The following FOXK1 variants were observed in gnomAD, a reference collection of about 807,000 sequenced individuals.
FOXK1 encodes the protein forkhead box protein K1.
In FOXK1, 19 loss-of-function variants were observed where a neutral mutation model predicts 51.9. That is an observed-to-expected ratio of 0.37 (90% confidence interval 0.26 to 0.54). The LOEUF (loss-of-function observed/expected upper bound fraction) is 0.54. FOXK1 is among the 20% of genes least tolerant of loss of function. The pLI is 0.87. For missense variants in FOXK1, 870 were observed against 1,032.7 expected (o/e 0.84, Z 2.16); for synonymous variants, 537 against 482.6 (o/e 1.11, Z -1.48).
intron 1 of FOXK1, among the ~76,000 whole-genome samples, chr7:4,694,174 ACG>A (rs1779925513): frequency 6.6e-6 from 1 of 152,168 alleles, no homozygotes; most frequent in African/African-American, 2.4e-5. Flanking sequence ...GGCCTGAGCC[ACG>A]CGCCCAGCCA....
chr7:4,715,708 G>A lies in FOXK1; in HGVS notation c.561-25130G>A, dbSNP rs777139422. On this transcript the variant is annotated intron_variant, in intron 1 of 8. Coordinates refer to ENST00000328914, the MANE Select transcript of FOXK1 (RefSeq NM_001037165.2). The surrounding 1 kb of genome is among the most constrained non-coding windows in gnomAD (Gnocchi z 4.5). ...CTTGTCAAGTCAGTCTGTAGTGCAC[G>A]CCGTTAGATTGGTTGTCATTGGCCA... Among the ~76,000 whole-genome samples, 1 of 152,166 alleles carries A rather than the reference G, an allele frequency of 6.6e-6. No individual in the cohort carries two copies. The highest frequency in any genetic ancestry group is 1.5e-5 in the Non-Finnish European group (1 of 68,044).
rs1250099607 is a variant in FOXK1 at position 4,754,528 on chromosome 7, G to A, written c.816G>A (p.Val272=). 6.2e-7 allele frequency: 1 copy of A among 1,612,224 alleles called. No homozygotes were observed. The highest frequency in any genetic ancestry group is 8.5e-7 in the Non-Finnish European group (1 of 1,180,042). The change falls in exon 3 of 9, where the codon GTG becomes GTA. Residue 272 remains valine (V), a synonymous_variant. Coordinates refer to ENST00000328914, the MANE Select transcript of FOXK1 (RefSeq NM_001037165.2). ...GSSSYRFVQN[V]TSDLQLAAEF... is the part of the protein sequence containing the mutation. ...CCAGTTACCGCTTTGTGCAGAACGT[G>A]ACCTCGGACCTGCAGCTGGCAGCAG...
rs576798444 is a variant in FOXK1 at position 4,747,126 on chromosome 7, C to G, written c.746+6103C>G. ...TTGTCCGAATCTGTTGAAAGGACAT[C>G]CCCACGCCCGCGTTTCCTGTAATCT... On this transcript the variant is annotated intron_variant, in intron 2 of 8. Coordinates refer to ENST00000328914, the MANE Select transcript of FOXK1 (RefSeq NM_001037165.2). This position sits in a 1 kb window ranked among gnomAD's most constrained non-coding sequence, Gnocchi z 9.2. Among the ~76,000 whole-genome samples the G allele has an allele frequency of 3.3e-5, 5 of 152,296 alleles. No homozygotes were observed. The South Asian group carries it at 1.0e-3, about 32-fold the overall frequency.
In FOXK1 at chr7:4,682,475, C is replaced by T. The variant is rs1371015677; in HGVS notation, c.167C>T (p.Pro56Leu). ...CCTCCGCCCGGGCCGCCGCCGCCGC[C>T]GCCACCGCCGCTGCCTCCGGGCGCG... ...PQPPPGPPPP[P>L]PPPLPPGAIA... The change falls in exon 1 of 9, where the codon CCG becomes CTG. Residue 56 changes from proline (P) to leucine (L), a missense_variant. Transcript: ENST00000328914. The surrounding 1 kb of genome is among the most constrained non-coding windows in gnomAD (Gnocchi z 7.6). 1 of 989,724 alleles carries T rather than the reference C, an allele frequency of 1.0e-6. No individual in the cohort carries two copies. Among genetic ancestry groups the T allele is most frequent in the South Asian group, 4.5e-5 (1 of 22,182 alleles). 61.3% of individuals were successfully genotyped at this position (989,724 alleles called of 1,614,324 possible). A position where few individuals can be genotyped will look rare whatever the true frequency, so the allele number is the denominator to read the frequency against.
At chr7:4,692,458 C>G (rs1364524118) in intron 1 of FOXK1, among the ~76,000 whole-genome samples, 2 of 152,282 alleles carry the variant, frequency 1.3e-5, no homozygotes, top group African/African-American at 4.8e-5. Flanking sequence ...GGCAGTGGCA[C>G]GATCTCAGCT....
intron 1 of FOXK1, among the ~76,000 whole-genome samples, chr7:4,705,091 C>G (rs1270101040): frequency 6.6e-6 from 1 of 152,170 alleles, no homozygotes; most frequent in Non-Finnish European, 1.5e-5. Context: ...AGCAGCCTCC[C>G]AAAGTACTGG....
chr7:4,746,152 A>T (rs112422106), intron 2 of FOXK1, among the ~76,000 whole-genome samples: 3 of 152,198 alleles, frequency 2.0e-5, no homozygotes, highest in African/African-American at 7.2e-5. Flanking sequence ...AACTCGTACA[A>T]TTCGGCGAAG....
Position 4,749,582 on chromosome 7 carries a change from C to T in FOXK1, c.747-4877C>T, listed in dbSNP as rs1780749143. On this transcript the variant is annotated intron_variant, in intron 2 of 8. Transcript: ENST00000328914. This position sits in a 1 kb window ranked among gnomAD's most constrained non-coding sequence, Gnocchi z 6.0. ...TCGCAGCTCCTTCCTCCAGCCCCTC[C>T]AGGCGGGTCCCTCTGTGTCTCTAGG... 6.6e-6 allele frequency among the ~76,000 whole-genome samples: 1 copy of T among 152,226 alleles called. No individual in the cohort carries two copies. The highest frequency in any genetic ancestry group is 2.1e-4 in the South Asian group (1 of 4,832).
intron 3 of FOXK1, 168 bp downstream of exon 3, chr7:4,754,783 G>A (rs905590336): frequency 2.9e-5 from 25 of 865,134 alleles, no homozygotes; most frequent in African/African-American, 2.5e-4. Context: ...GCCCTTTCTC[G>A]TTTTCGTGCC....
Position 4,723,047 on chromosome 7 carries a change from T to A in FOXK1, c.561-17791T>A, listed in dbSNP as rs1780334946. 6.6e-6 allele frequency among the ~76,000 whole-genome samples: 1 copy of A among 151,934 alleles called. No homozygotes were observed. ...GGTTCAGATCACCACACAACCTGTA[T>A]CAGCTTGTGATCCCGAACAAAAACC... On this transcript the variant is annotated intron_variant, in intron 1 of 8. Transcript: ENST00000328914. This position sits in a 1 kb window ranked among gnomAD's most constrained non-coding sequence, Gnocchi z 4.7.
rs552399960 is a variant in FOXK1, at chr7:4,688,974, C to T, written c.560+6106C>T. 8.7e-5 allele frequency among the ~76,000 whole-genome samples: 13 copies of T among 150,098 alleles called. No individual in the cohort carries two copies. The South Asian group carries it at 2.8e-3, about 32-fold the overall frequency. ...CTTGGATCCCTTAATTTGTTCTCAC[C>T]TGCACTTTTTTTTTTTTTTGAGATG... On this transcript the variant is annotated intron_variant, in intron 1 of 8. Transcript: ENST00000328914.
At position 4,747,612 on chromosome 7, in the gene FOXK1, T is replaced by C. The variant is rs1344700244; in HGVS notation, c.746+6589T>C. On this transcript the variant is annotated intron_variant, in intron 2 of 8. Transcript: ENST00000328914. The surrounding 1 kb of genome is among the most constrained non-coding windows in gnomAD (Gnocchi z 9.2). Reference sequence around the variant, plus strand: ...GTGCAGTGGCACAGTCACAGCTCACTGCAACCTCAACCTCCCGGGCTCAAG... The same window carrying C: ...GTGCAGTGGCACAGTCACAGCTCACCGCAACCTCAACCTCCCGGGCTCAAG... Among the ~76,000 whole-genome samples the C allele has an allele frequency of 6.6e-6, 1 of 152,154 alleles. No homozygotes were observed.
At chr7:4,713,936 C>T (rs932977123) in intron 1 of FOXK1, among the ~76,000 whole-genome samples, 3 of 151,774 alleles carry the variant, frequency 2.0e-5, no homozygotes, top group African/African-American at 7.3e-5. Context: ...CGTGATTTCT[C>T]CTGCCTCAGC....
At chr7:4,706,046 G>A (rs56169100) in intron 1 of FOXK1, among the ~76,000 whole-genome samples, 1,053 of 101,814 alleles carry the variant, frequency 0.01, 110 homozygotes, top group African/African-American at 0.093. Flanking sequence ...GTATATACGT[G>A]TATATATGTA....
intron 1 of FOXK1, among the ~76,000 whole-genome samples, chr7:4,705,310 C>G (rs919468822): frequency 2.0e-5 from 3 of 152,068 alleles, no homozygotes; most frequent in African/African-American, 4.8e-5. Context: ...ACCTCAGCCT[C>G]CCCAGTAGCT....
In FOXK1 at chr7:4,746,729, C is replaced by A. The variant is rs187806758; in HGVS notation, c.746+5706C>A. ...AAAAACACAAGTTTGTGGCTGCAGC[C>A]TTCCGTGTGTTTTCAGCAGGGCTGC... On this transcript the variant is annotated intron_variant, in intron 2 of 8. Coordinates refer to ENST00000328914, the MANE Select transcript of FOXK1 (RefSeq NM_001037165.2). 3.4e-3 allele frequency among the ~76,000 whole-genome samples: 514 copies of A among 152,320 alleles called. 3 individuals are homozygous for A. The highest frequency in any genetic ancestry group is 0.012 in the African/African-American group (494 of 41,572).
Position 4,709,642 on chromosome 7 carries a change from T to C in FOXK1, c.560+26774T>C, listed in dbSNP as rs1000808105. Reference sequence around the variant, plus strand: ...GAAGATTTTAACTTTGTTAAAATCATGAACTGGTTTTGCCGCAGTAAAGCG... The same window carrying C: ...GAAGATTTTAACTTTGTTAAAATCACGAACTGGTTTTGCCGCAGTAAAGCG... On this transcript the variant is annotated intron_variant, in intron 1 of 8. Coordinates refer to ENST00000328914, the MANE Select transcript of FOXK1 (RefSeq NM_001037165.2). This position sits in a 1 kb window ranked among gnomAD's most constrained non-coding sequence, Gnocchi z 5.6. Among the ~76,000 whole-genome samples, 5 of 152,258 alleles carry C rather than the reference T, an allele frequency of 3.3e-5. No homozygotes were observed. The highest frequency in any genetic ancestry group is 3.3e-4 in the Admixed American group (5 of 15,280).
chr7:4,682,509 C>T lies in FOXK1; in HGVS notation c.201C>T (p.Gly67=), dbSNP rs1393849474. 8 of 1,057,392 alleles carry T rather than the reference C, an allele frequency of 7.6e-6. No individual in the cohort carries two copies. The African/African-American group carries it at 1.2e-4, about 16-fold the overall frequency. 65.5% of individuals were successfully genotyped at this position (1,057,392 alleles called of 1,614,324 possible). A position where few individuals can be genotyped will look rare whatever the true frequency, so the allele number is the denominator to read the frequency against. ...CGCTGCCTCCGGGCGCGATCGCGGGCGCGGGCTCCTCCGGGGGCTCCTCCG... is the reference window on the plus strand; with the variant it reads ...CGCTGCCTCCGGGCGCGATCGCGGGTGCGGGCTCCTCCGGGGGCTCCTCCG... The part of the protein sequence containing the change: ...PPPLPPGAIA[G]AGSSGGSSGV... The change falls in exon 1 of 9, where the codon GGC becomes GGT. Residue 67 remains glycine (G), a synonymous_variant. Transcript: ENST00000328914. The surrounding 1 kb of genome is among the most constrained non-coding windows in gnomAD (Gnocchi z 7.6).
In FOXK1 at chr7:4,768,896, G is replaced by A. The variant is rs1432260638; in HGVS notation, c.*6432G>A. 1 of 152,278 alleles carries A rather than the reference G, an allele frequency of 6.6e-6. No homozygotes were observed. The highest frequency in any genetic ancestry group is 1.5e-5 in the Non-Finnish European group (1 of 68,074). 9.4% of individuals were successfully genotyped at this position (152,278 alleles called of 1,614,324 possible). On this transcript the variant is annotated 3_prime_UTR_variant, in exon 9 of 9. Transcript: ENST00000328914. ...TTGGAGAATGAAACCCTGAGGGTCA[G>A]TGAGTGGAGGCCTTCCCTCGGGGCC...
Sources: gnomAD v4.1 joint callset for allele counts (sites outside exome capture counted in the v4.1 genomes callset) on GRCh38, gnomAD v4.1.1 for gene constraint, Gnocchi (gnomAD v3.1) non-coding constraint, MANE v1.5 for transcripts, NCBI Gene and HGNC (gene_info 2026-07-23, HGNC 2026-07-21) for gene names.